The following CDH18 variants were observed in gnomAD, a reference collection of about 807,000 sequenced individuals.
The protein encoded by CDH18 is cadherin-18.
Under a neutral mutation model 67.9 loss-of-function variants are expected in CDH18, and 31 were observed. That is an observed-to-expected ratio of 0.46 (90% CI 0.34 to 0.62). CDH18 has a LOEUF of 0.62. Among genes scored for constraint, CDH18 ranks in the 20% least tolerant of loss-of-function variants. CDH18 has a pLI of 0.01. For missense variants in CDH18, 890 were observed against 975.5 expected (o/e 0.91, Z 1.17); for synonymous variants, 362 against 347.2 (o/e 1.04, Z -0.48).
At chr5:19,853,106 AGTGTAG>A (rs1349616904) in intron 2 of CDH18, among the ~76,000 whole-genome samples, 3 of 152,126 alleles carry the variant, frequency 2.0e-5, no homozygotes, top group African/African-American at 7.2e-5. Flanking sequence ...AAAACACCAT[AGTGTAG>A]GTGGCTTAAA....
intron 2 of CDH18, among the ~76,000 whole-genome samples, chr5:20,084,292 C>T (rs1247141138): frequency 6.6e-6 from 1 of 152,196 alleles, no homozygotes; most frequent in Non-Finnish European, 1.5e-5. Context: ...CCAAAATGAT[C>T]TCCTTTGACT....
chr5:19,996,097 G>A (rs1735997667), intron 2 of CDH18, among the ~76,000 whole-genome samples: 1 of 152,050 alleles, frequency 6.6e-6, no homozygotes, highest in South Asian at 2.1e-4. Context: ...ACTTAAGGTT[G>A]ACCAAATCAT....
At chr5:19,487,741 T>C (rs1029372597) in intron 11 of CDH18, among the ~76,000 whole-genome samples, 2 of 152,104 alleles carry the variant, frequency 1.3e-5, no homozygotes, top group African/African-American at 4.8e-5. Flanking sequence ...TGGACACAAA[T>C]AGGATGAAGC....
At chr5:20,250,751 G>A (rs1743797462) in intron 2 of CDH18, among the ~76,000 whole-genome samples, 1 of 151,624 alleles carries the variant, frequency 6.6e-6, no homozygotes, top group African/African-American at 2.4e-5. Context: ...GATTACAGGC[G>A]CATGCCACCA....
At chr5:19,838,146 C>T (rs1781883733) in intron 3 of CDH18, among the ~76,000 whole-genome samples, 1 of 151,980 alleles carries the variant, frequency 6.6e-6, no homozygotes, top group Non-Finnish European at 1.5e-5. Flanking sequence ...CCTGTATATC[C>T]AGTGCATACT....
chr5:20,260,130 G>A (rs576111734), intron 1 of CDH18, among the ~76,000 whole-genome samples: 39 of 151,392 alleles, frequency 2.6e-4, no homozygotes, highest in African/African-American at 4.1e-4. Flanking sequence ...TAGATAAGCC[G>A]TAAAATCCAA....
At chr5:20,536,688 T>C (rs1756746491) in intron 1 of CDH18, among the ~76,000 whole-genome samples, 1 of 152,122 alleles carries the variant, frequency 6.6e-6, no homozygotes, top group Non-Finnish European at 1.5e-5. Context: ...GGCTTTCAAC[T>C]TAGAGAAAAT....
chr5:19,624,135 G>A (rs1480089884), intron 5 of CDH18, among the ~76,000 whole-genome samples: 1 of 151,860 alleles, frequency 6.6e-6, no homozygotes, highest in African/African-American at 2.4e-5. Flanking sequence ...AGTCTCCCGA[G>A]TAGTTGGGAT....
At chr5:20,064,289 G>A (rs1438304108) in intron 2 of CDH18, among the ~76,000 whole-genome samples, 1 of 152,104 alleles carries the variant, frequency 6.6e-6, no homozygotes, top group Admixed American at 6.6e-5. Context: ...ATAAAAGCCT[G>A]ATGACATTTT....
At chr5:19,922,567 T>C (rs371636851) in intron 2 of CDH18, among the ~76,000 whole-genome samples, 3 of 152,172 alleles carry the variant, frequency 2.0e-5, no homozygotes, top group African/African-American at 7.2e-5. Context: ...CCTTTCTCTA[T>C]CTGCTGTTAA....
intron 12 of CDH18, chr5:19,478,757 C>T (rs1738909953): frequency 6.6e-6 from 1 of 152,162 alleles, no homozygotes; most frequent in African/African-American, 2.4e-5. Context: ...TTGCCAACTA[C>T]TCTAGTCCCT....
intron 1 of CDH18, among the ~76,000 whole-genome samples, chr5:20,483,124 G>C (rs1752931498): frequency 6.6e-6 from 1 of 151,922 alleles, no homozygotes; most frequent in South Asian, 2.1e-4. Context: ...TGTGTCAATA[G>C]TGAACAATCT....
chr5:19,900,685 A>T (rs1190029109), intron 2 of CDH18, among the ~76,000 whole-genome samples: 1 of 152,206 alleles, frequency 6.6e-6, no homozygotes, highest in African/African-American at 2.4e-5. Flanking sequence ...AATTTTTAAA[A>T]GAATGAATGG....
At chr5:20,102,808 CTTTAA>C (rs1214781840) in intron 2 of CDH18, among the ~76,000 whole-genome samples, 1 of 151,922 alleles carries the variant, frequency 6.6e-6, no homozygotes, top group East Asian at 1.9e-4. Flanking sequence ...AGTCAAAATT[CTTTAA>C]TTTAGCTGAA....
intron 2 of CDH18, among the ~76,000 whole-genome samples, chr5:20,071,275 A>C (rs1180270515): frequency 6.6e-6 from 1 of 152,236 alleles, no homozygotes; most frequent in African/African-American, 2.4e-5. Flanking sequence ...ACTTAGCTAA[A>C]GATTTAATTT....
intron 3 of CDH18, among the ~76,000 whole-genome samples, chr5:19,750,462 A>G (rs1770690831): frequency 6.6e-6 from 1 of 152,150 alleles, no homozygotes; most frequent in Non-Finnish European, 1.5e-5. Context: ...AGAAAACTTG[A>G]CAAATGGAGA....
At chr5:19,578,755 T>C (rs1215063858) in intron 7 of CDH18, among the ~76,000 whole-genome samples, 1 of 152,032 alleles carries the variant, frequency 6.6e-6, no homozygotes, top group Non-Finnish European at 1.5e-5. Context: ...ATATATGTTC[T>C]TTCTCATTAT....
At chr5:20,469,063 C>T (rs1046455415) in intron 1 of CDH18, among the ~76,000 whole-genome samples, 1 of 152,116 alleles carries the variant, frequency 6.6e-6, no homozygotes, top group Admixed American at 6.5e-5. Flanking sequence ...CAGTATGTAA[C>T]GGTAATGGTG....
At chr5:20,464,862 C>G (rs1461045193) in intron 1 of CDH18, among the ~76,000 whole-genome samples, 1 of 151,820 alleles carries the variant, frequency 6.6e-6, no homozygotes, top group South Asian at 2.1e-4. Flanking sequence ...GAAAAACTTG[C>G]CAAGTTGATG....
Sources: allele counts gnomAD v4.1 joint callset (sites outside exome capture counted in the v4.1 genomes callset), GRCh38; gene constraint gnomAD v4.1.1; transcripts MANE v1.5; gene names NCBI Gene and HGNC (gene_info 2026-07-23, HGNC 2026-07-21).